The following DLC1 variants were observed in gnomAD, a reference collection of about 807,000 sequenced individuals.
DLC1 encodes the protein DLC1 Rho GTPase activating protein, also known as rho GTPase-activating protein 7.
DLC1 carries 54 observed loss-of-function variants against 140.3 expected under a neutral mutation model. That is an observed-to-expected ratio of 0.38 (90% CI 0.31 to 0.48). The LOEUF is 0.48. DLC1 is among the 20% of genes least tolerant of loss of function. The pLI is 0.96. For missense variants in DLC1, 2,536 were observed against 1,907.0 expected (o/e 1.33, Z -6.14); for synonymous variants, 986 against 728.1 (o/e 1.35, Z -5.70).
intron 5 of DLC1, among the ~76,000 whole-genome samples, chr8:13,135,303 C>A (rs1416113421): frequency 2.0e-5 from 3 of 151,170 alleles, no homozygotes; most frequent in Non-Finnish European, 4.4e-5. Context: ...GCCTCAGCCT[C>A]CCGAGTAGCT....
intron 10 of DLC1, chr8:13,096,224 C>T (rs1002728438): frequency 6.6e-6 from 1 of 152,158 alleles, no homozygotes; most frequent in Non-Finnish European, 1.5e-5. Flanking sequence ...GAAACACTGA[C>T]CAGAACTCAA....
At chr8:13,152,598 T>C (rs1164365926) in intron 5 of DLC1, among the ~76,000 whole-genome samples, 2 of 151,850 alleles carry the variant, frequency 1.3e-5, no homozygotes, top group East Asian at 3.9e-4. Flanking sequence ...GCTTAACAAA[T>C]GGAAGCATGG....
intron 5 of DLC1, among the ~76,000 whole-genome samples, chr8:13,155,398 T>G (rs983654695): frequency 2.0e-5 from 3 of 152,062 alleles, no homozygotes; most frequent in Non-Finnish European, 4.4e-5. Flanking sequence ...ATTAACATTC[T>G]TAGTTTTAGA....
intron 5 of DLC1, chr8:13,160,109 G>C (rs1392243220): frequency 6.6e-6 from 1 of 152,350 alleles, no homozygotes; most frequent in Non-Finnish European, 1.5e-5. Context: ...AGTGAGCCGA[G>C]ATTGTGCCGC....
chr8:13,385,438 T>A (rs1024772399), intron 4 of DLC1, among the ~76,000 whole-genome samples: 1 of 152,046 alleles, frequency 6.6e-6, no homozygotes, highest in Admixed American at 6.6e-5. Context: ...AACCCAACAA[T>A]GACAACAAAA....
intron 5 of DLC1, among the ~76,000 whole-genome samples, chr8:13,283,561 G>A (rs1831440683): frequency 6.6e-6 from 1 of 152,258 alleles, no homozygotes; most frequent in East Asian, 1.9e-4. Context: ...TGTTGCCCAG[G>A]CAGGAGTGTA....
At chr8:13,225,751 G>T (rs1429524328) in intron 5 of DLC1, among the ~76,000 whole-genome samples, 1 of 151,782 alleles carries the variant, frequency 6.6e-6, no homozygotes, top group Non-Finnish European at 1.5e-5. Context: ...GAGTAGCTGG[G>T]ACTACAGGCA....
intron 2 of DLC1, among the ~76,000 whole-genome samples, chr8:13,433,158 A>G (rs1433085544): frequency 1.3e-5 from 2 of 152,078 alleles, no homozygotes; most frequent in Non-Finnish European, 2.9e-5. Context: ...TTCCTATTCC[A>G]TGAAGCCTAA....
intron 2 of DLC1, among the ~76,000 whole-genome samples, chr8:13,497,247 A>T (rs1292198247): frequency 1.3e-5 from 2 of 152,196 alleles, no homozygotes; most frequent in Non-Finnish European, 2.9e-5. Flanking sequence ...GCGAATTGCC[A>T]ATTCAATGGT....
At chr8:13,433,658 A>G (rs1194414226) in intron 2 of DLC1, among the ~76,000 whole-genome samples, 1 of 152,218 alleles carries the variant, frequency 6.6e-6, no homozygotes, top group Non-Finnish European at 1.5e-5. Flanking sequence ...GTAGGCTGAT[A>G]TCTTTAATTA....
At chr8:13,200,031 A>G (rs75017393) in intron 5 of DLC1, among the ~76,000 whole-genome samples, 2,662 of 152,220 alleles carry the variant, frequency 0.017, 72 homozygotes, top group African/African-American at 0.06. Context: ...TAACAACCCT[A>G]TAAGAGAAGT....
At chr8:13,251,783 T>G (rs1830017088) in intron 5 of DLC1, among the ~76,000 whole-genome samples, 1 of 152,170 alleles carries the variant, frequency 6.6e-6, no homozygotes, top group Non-Finnish European at 1.5e-5. Context: ...CTTTCCCTAA[T>G]CTGTTTGAAA....
At chr8:13,479,440 T>C (rs1396665354) in intron 2 of DLC1, among the ~76,000 whole-genome samples, 1 of 152,096 alleles carries the variant, frequency 6.6e-6, no homozygotes, top group Non-Finnish European at 1.5e-5. Context: ...CTAATAGGAA[T>C]TTTGGGCTGA....
At chr8:13,267,817 A>G (rs1034616274) in intron 5 of DLC1, among the ~76,000 whole-genome samples, 3 of 151,922 alleles carry the variant, frequency 2.0e-5, no homozygotes, top group African/African-American at 7.3e-5. Flanking sequence ...AAAGAAAGAA[A>G]GAACCAAGAG....
intron 2 of DLC1, among the ~76,000 whole-genome samples, chr8:13,424,612 G>A (rs980928774): frequency 2.0e-5 from 3 of 151,670 alleles, no homozygotes; most frequent in African/African-American, 4.8e-5. Context: ...TGGCTCTGTC[G>A]TCCAGGCTGG....
At chr8:13,395,051 A>ATCTATCTG (rs1563311693) in intron 3 of DLC1, among the ~76,000 whole-genome samples, 6 of 116,074 alleles carry the variant, frequency 5.2e-5, no homozygotes, top group East Asian at 2.1e-4. Flanking sequence ...CTATCTATCT[A>ATCTATCTG]TTAGGTACCT....
upstream of DLC1, chr8:13,514,907 C>A: frequency 2.9e-6 from 1 of 343,326 alleles, no homozygotes; most frequent in Non-Finnish European, 5.2e-6. Context: ...GAAAGTATTT[C>A]CTGCCTCTGA....
chr8:13,265,984 G>T (rs1249201169), intron 5 of DLC1, among the ~76,000 whole-genome samples: 1 of 152,150 alleles, frequency 6.6e-6, no homozygotes, highest in Non-Finnish European at 1.5e-5. Context: ...TTTATCTTCA[G>T]TTGTGCAATG....
intron 7 of DLC1, among the ~76,000 whole-genome samples, chr8:13,106,798 T>G (rs1315998773): frequency 1.3e-5 from 2 of 152,264 alleles, no homozygotes; most frequent in Non-Finnish European, 2.9e-5. Context: ...AACTGTCACT[T>G]GATGTACATA....
Sources: allele counts gnomAD v4.1 joint callset (sites outside exome capture counted in the v4.1 genomes callset), GRCh38; gene constraint gnomAD v4.1.1; transcripts MANE v1.5; gene names NCBI Gene and HGNC (gene_info 2026-07-23, HGNC 2026-07-21).